The following IL32 variants were observed in gnomAD, a reference collection of about 807,000 sequenced individuals.
The protein encoded by IL32 is interleukin 32, also known as interleukin-32.
In IL32, 30 loss-of-function variants were observed where a neutral mutation model predicts 16.6. That is an observed-to-expected ratio of 1.81 (90% CI 1.35 to 2.45). The LOEUF (loss-of-function observed/expected upper bound fraction) is 2.45, where lower values mean the gene tolerates loss of function less well. Among genes scored for constraint, IL32 ranks in the 30% most tolerant of loss-of-function variants. IL32 has a pLI of 0.00. For missense variants in IL32, 234 were observed against 229.8 expected, an observed-to-expected ratio of 1.02 and a Z score of -0.12; for synonymous variants, 70 against 86.1, an observed-to-expected ratio of 0.81 and a Z score of 1.03.
intron 6 of IL32, chr16:3,068,440 G>C (rs1344385322): frequency 3.4e-6 from 2 of 582,380 alleles, no homozygotes; most frequent in Admixed American, 3.0e-5. Context: ...CAAGTAGTTG[G>C]GACTACAGGC....
In IL32 at chr16:3,067,452, G is replaced by C. The variant is rs745965931; in HGVS notation, c.54+37G>C. On this transcript the variant is annotated intron_variant, in intron 3 of 6. Coordinates refer to ENST00000525643, the MANE Select transcript of IL32 (RefSeq NM_001376923.1). ...CCCTACTTCTGCTCAGGGGTTGGGG[G>C]CCTGGGTCTCAGCGTGTGACACTGA... 5.0e-6 allele frequency: 8 copies of C among 1,611,432 alleles called. No homozygotes were observed. The Admixed American group carries it at 6.7e-5, about 13-fold the overall frequency.
intron 3 of IL32, 32 bp from the exon 4 acceptor site, chr16:3,067,522 C>G (rs762269785): frequency 6.2e-7 from 1 of 1,614,044 alleles, no homozygotes; most frequent in Non-Finnish European, 8.5e-7. Context: ...AAGGATCCGG[C>G]CCTTTGGTGC....
intron 2 of IL32, among the ~76,000 whole-genome samples, chr16:3,066,344 C>A (rs777296150): frequency 7.2e-5 from 11 of 152,232 alleles, no homozygotes; most frequent in African/African-American, 2.7e-4. Context: ...GACAGTGACC[C>A]GGAGGACACA....
intron 2 of IL32, 73 bp from the exon 3 acceptor site, chr16:3,067,289 GTGTGTGTGTGTGTGT>G (rs1357672934): frequency 3.6e-6 from 2 of 559,098 alleles, no homozygotes; most frequent in Admixed American, 3.7e-5. Context: ...GTGTGTGTGT[GTGTGTGTGTGTGTGT>G]GTGTGTATAA....
chr16:3,067,681 G>A (rs1283128144), intron 4 of IL32, 68 bp downstream of exon 4: 7 of 1,217,064 alleles, frequency 5.8e-6, no homozygotes, highest in African/African-American at 1.5e-5. Context: ...CCTGTGTGGG[G>A]CTCAGGGTGA....
chr16:3,068,343 T>C, intron 6 of IL32, 104 bp downstream of exon 6: 1 of 1,125,516 alleles, frequency 8.9e-7, no homozygotes, highest in Non-Finnish European at 1.3e-6. Flanking sequence ...TCTCGCTCTG[T>C]CGCCCAGGCT....
chr16:3,067,925 G>A (rs1456884999), intron 4 of IL32, 59 bp from the exon 5 acceptor site: 7 of 1,595,806 alleles, frequency 4.4e-6, no homozygotes, highest in Non-Finnish European at 5.2e-6. Context: ...CTTGAGGACT[G>A]ACTGATGTGG....
In IL32 at chr16:3,067,817, C is replaced by A. The variant is rs972460718; in HGVS notation, c.115-167C>A. The stretch of plus-strand genomic sequence containing the variant: ...GGGGAGACTGAGGGAGGCATCCAAG[C>A]CCCAGGGCTCCTTGAGGAAACAACA... On this transcript the variant is annotated intron_variant, in intron 4 of 6. Coordinates refer to ENST00000525643, the MANE Select transcript of IL32 (RefSeq NM_001376923.1). 1.8e-5 allele frequency: 16 copies of A among 876,874 alleles called. No individual in the cohort carries two copies. In the South Asian group the frequency reaches 2.4e-4, roughly 13 times the overall value. The allele number at this position is 876,874 out of a possible 1,614,324, so 54.3% of individuals were successfully genotyped here. A position where few individuals can be genotyped will look rare whatever the true frequency, so the allele number is the denominator to read the frequency against.
Position 3,069,366 on chromosome 16 carries a change from A to G in IL32, c.*11A>G, listed in dbSNP as rs368836091. The G allele has an allele frequency of 1.5e-5, 24 of 1,570,044 alleles. 1 individual carries two copies. In the African/African-American group the frequency reaches 2.3e-4, roughly 15 times the overall value. ...CAATCCTCAAAATGAAGATACTGAC[A>G]CCACCTTTGCCCTCCCCGTCACCGC... On this transcript the variant is annotated 3_prime_UTR_variant, in exon 7 of 7. Transcript: ENST00000525643.
At position 3,069,202 on chromosome 16, in the gene IL32, C is replaced by T; in HGVS notation, c.414C>T (p.Val138=). The T allele has an allele frequency of 1.2e-6, 2 of 1,614,166 alleles. No homozygotes were observed. The highest frequency in any genetic ancestry group is 1.7e-6 in the Non-Finnish European group (2 of 1,180,026). The stretch of plus-strand genomic sequence containing the variant: ...TGAAGGAGAAGGTGGTGGCCCTGGT[C>T]CATGCAGTGCAGGCCCTCTGGAAAC... ...AWVKEKVVAL[V]HAVQALWKQF... The change falls in exon 7 of 7, where the codon GTC becomes GTT. Residue 138 remains valine, a synonymous_variant. Transcript: ENST00000525643.
chr16:3,067,269 C>CTG (rs1555442464), intron 2 of IL32, 108 bp from the exon 3 acceptor site: 5 of 391,514 alleles, frequency 1.3e-5, no homozygotes, highest in South Asian at 7.9e-5. Flanking sequence ...TGCCATGTGT[C>CTG]TCTGTGTGTG....
chr16:3,066,938 G>A (rs1956382864), intron 2 of IL32, among the ~76,000 whole-genome samples: 1 of 146,312 alleles, frequency 6.8e-6, no homozygotes, highest in Non-Finnish European at 1.5e-5. Context: ...CTCTTGTGAG[G>A]AGGGGTCACC....
At chr16:3,067,511 C>T (rs745782002) in intron 3 of IL32, 43 bp from the exon 4 acceptor site, 7 of 1,613,986 alleles carry the variant, frequency 4.3e-6, no homozygotes, top group East Asian at 2.2e-5. Context: ...CCTGGAGGGA[C>T]AAGGATCCGG....
At chr16:3,068,065 A>T (rs1304031385) in intron 5 of IL32, 55 bp downstream of exon 5, 1 of 1,610,028 alleles carries the variant, frequency 6.2e-7, no homozygotes, top group Non-Finnish European at 8.5e-7. Flanking sequence ...TAGGCTCCAC[A>T]GGACACTGGG....
At chr16:3,067,200 C>T (rs562916844) in intron 2 of IL32, among the ~76,000 whole-genome samples, 177 bp from the exon 3 acceptor site, 77 of 151,944 alleles carry the variant, frequency 5.1e-4, no homozygotes, top group Admixed American at 1.5e-3. Flanking sequence ...CAGCCCTGGC[C>T]GGTCTTTCCA....
chr16:3,065,439 C>A (rs1490390884), upstream of IL32: 4 of 325,400 alleles, frequency 1.2e-5, no homozygotes, highest in African/African-American at 8.6e-5. Context: ...AGCAGGGGCC[C>A]AGCCAGGGAC....
At chr16:3,065,876 G>GT in intron 2 of IL32, 50 bp downstream of exon 2, 1 of 1,610,286 alleles carries the variant, frequency 6.2e-7, no homozygotes, top group Non-Finnish European at 8.5e-7. Context: ...AAAACAGACC[G>GT]TAAGGGTGCG....
chr16:3,067,275 G>GTGTGTCTC (rs1555442495), intron 2 of IL32, 102 bp from the exon 3 acceptor site: 10 of 204,404 alleles, frequency 4.9e-5, no homozygotes, highest in African/African-American at 1.1e-4. Context: ...GTGTCTCTGT[G>GTGTGTCTC]TGTGTGTGTG....
At chr16:3,065,727 G>T in intron 1 of IL32, 40 bp downstream of exon 1, 5 of 1,510,084 alleles carry the variant, frequency 3.3e-6, no homozygotes, top group East Asian at 2.3e-5. Context: ...ACCCTCTGGG[G>T]AGGAGGGTGC....
Sources: gnomAD v4.1 joint callset for allele counts (sites outside exome capture counted in the v4.1 genomes callset) on GRCh38, gnomAD v4.1.1 for gene constraint, MANE v1.5 for transcripts, NCBI Gene and HGNC (gene_info 2026-07-23, HGNC 2026-07-21) for gene names.